The following TEX36 variants were observed in gnomAD, a reference collection of about 807,000 sequenced individuals.
The protein encoded by TEX36 is testis expressed 36.
A neutral mutation model predicts 13.6 loss-of-function variants in TEX36; 12 were observed. That is an observed-to-expected ratio of 0.88 (90% confidence interval 0.56 to 1.43). TEX36 has a LOEUF of 1.43. TEX36 is among the 40% of genes most tolerant of loss of function. The pLI, the probability that TEX36 is intolerant of heterozygous loss-of-function variation, is 0.00. For synonymous variants in TEX36, 93 were observed against 83.0 expected (o/e 1.12, Z -0.65); for missense variants, 224 against 228.3 (o/e 0.98, Z 0.12).
Position 125,587,786 on chromosome 10 carries a change from T to TAAAAAAAAA in TEX36, c.265-10921_265-10913dup, listed in dbSNP as rs56198506. Among the ~76,000 whole-genome samples the TAAAAAAAAA allele has an allele frequency of 9.8e-5, 10 of 101,898 alleles. 1 individual carries two copies. Among genetic ancestry groups the TAAAAAAAAA allele is most frequent in the Non-Finnish European group, 1.2e-4 (6 of 48,942 alleles). The allele number at this position is 101,898 out of a possible 152,430, so 66.8% of individuals were successfully genotyped here. On this transcript the variant is annotated intron_variant, in intron 3 of 3. Coordinates refer to the TEX36 transcript ENST00000532135. The stretch of plus-strand genomic sequence containing the variant: ...GGCGAGCGAAGCTCTGTCTCAAAAT[T>TAAAAAAAAA]AAAAAAAAAAAAAAAAAAAAAAGAC...
intron 3 of TEX36, among the ~76,000 whole-genome samples, chr10:125,631,359 C>G (rs1228184335): frequency 1.3e-5 from 2 of 152,218 alleles, no homozygotes; most frequent in African/African-American, 4.8e-5. Flanking sequence ...TGAGCTATTT[C>G]AGAAGCCCTC....
At chr10:125,589,260 G>A (rs562968319) in intron 3 of TEX36, among the ~76,000 whole-genome samples, 2 of 152,158 alleles carry the variant, frequency 1.3e-5, no homozygotes, top group Non-Finnish European at 2.9e-5. Flanking sequence ...TTTGTCAGTT[G>A]ACCCTGTTGG....
chr10:125,619,176 A>T (rs1846397615), downstream of TEX36, among the ~76,000 whole-genome samples: 1 of 152,008 alleles, frequency 6.6e-6, no homozygotes, highest in Non-Finnish European at 1.5e-5. Context: ...AGCCTTGGAG[A>T]ATATCCGTTA....
At chr10:125,604,869 C>A (rs1231753713) in intron 3 of TEX36, among the ~76,000 whole-genome samples, 7 of 151,394 alleles carry the variant, frequency 4.6e-5, no homozygotes, top group Middle Eastern at 3.2e-3. Flanking sequence ...CTCCTATTAC[C>A]CCCAGAAGGG....
At chr10:125,606,540 T>C (rs1846217990) in intron 3 of TEX36, among the ~76,000 whole-genome samples, 1 of 152,194 alleles carries the variant, frequency 6.6e-6, no homozygotes, top group South Asian at 2.1e-4. Context: ...GTAAACAATA[T>C]TAGCTGCTCT....
At chr10:125,622,650 T>C (rs570856235) in intron 3 of TEX36, among the ~76,000 whole-genome samples, 1 of 152,340 alleles carries the variant, frequency 6.6e-6, no homozygotes, top group African/African-American at 2.4e-5. Flanking sequence ...ATGGATTCAG[T>C]GTGGTATGGT....
intron 3 of TEX36, among the ~76,000 whole-genome samples, chr10:125,608,041 C>T (rs560037328): frequency 9.9e-5 from 15 of 152,260 alleles, no homozygotes; most frequent in South Asian, 4.2e-4. Flanking sequence ...CTACGGTCAA[C>T]GAGTCACACA....
chr10:125,596,290 A>G (rs1271091056), intron 3 of TEX36, among the ~76,000 whole-genome samples: 1 of 152,192 alleles, frequency 6.6e-6, no homozygotes, highest in African/African-American at 2.4e-5. Flanking sequence ...AGATCCTTAT[A>G]AGAGGAGAGA....
Position 125,661,851 on chromosome 10 carries a change from C to G in TEX36, c.178G>C (p.Glu60Gln), listed in dbSNP as rs1847048139. Residue 60 changes from glutamate (E) to glutamine (Q), a missense_variant, in exon 2 of 4, where the codon GAG becomes CAG. By Grantham distance (29) the Glu-to-Gln change is conservative. Transcript: ENST00000368821. ...GGCCAGTGTTCAGGACTCACCTTCT[C>G]CCGGACTTTGTATATGGGCGGCAGC... Reference protein sequence around the residue: ...GKLPPIYKVREKQAVNNQFPF... With the variant: ...GKLPPIYKVRQKQAVNNQFPF... 6.4e-7 allele frequency: 1 copy of G among 1,551,742 alleles called. No homozygotes were observed. Among genetic ancestry groups the G allele is most frequent in the Non-Finnish European group, 8.7e-7 (1 of 1,147,014 alleles).
chr10:125,620,263 G>A (rs1320260678), downstream of TEX36, among the ~76,000 whole-genome samples: 1 of 152,122 alleles, frequency 6.6e-6, no homozygotes, highest in African/African-American at 2.4e-5. Flanking sequence ...GCGAGCACTA[G>A]GTTTTAAATT....
intron 3 of TEX36, chr10:125,578,222 A>G (rs1589736983): frequency 6.6e-6 from 1 of 152,328 alleles, no homozygotes; most frequent in East Asian, 1.9e-4. Flanking sequence ...TGAGGAGAAG[A>G]TGCTGTTCTG....
chr10:125,658,007 GA>G (rs1846974471), intron 3 of TEX36, among the ~76,000 whole-genome samples: 1 of 151,646 alleles, frequency 6.6e-6, no homozygotes, highest in South Asian at 2.1e-4. Context: ...AGGAGAAGAA[GA>G]AAAAAAGAAA....
intron 3 of TEX36, among the ~76,000 whole-genome samples, chr10:125,658,443 G>A (rs1258196166): frequency 6.6e-6 from 1 of 151,846 alleles, no homozygotes; most frequent in Non-Finnish European, 1.5e-5. Context: ...AGAAACTCAA[G>A]AATAATCTTA....
chr10:125,612,933 A>C (rs540993168), intron 3 of TEX36, among the ~76,000 whole-genome samples: 49 of 152,248 alleles, frequency 3.2e-4, no homozygotes, highest in African/African-American at 1.1e-3. Flanking sequence ...GCACACAAAG[A>C]TAATTTCCAT....
intron 3 of TEX36, among the ~76,000 whole-genome samples, chr10:125,609,761 C>T (rs1846267882): frequency 6.6e-6 from 1 of 152,216 alleles, no homozygotes; most frequent in African/African-American, 2.4e-5. Flanking sequence ...ACTCACACCA[C>T]ATGTTTATTG....
At chr10:125,674,871 G>C (rs1041670124) in intron 1 of TEX36, among the ~76,000 whole-genome samples, 2 of 152,358 alleles carry the variant, frequency 1.3e-5, no homozygotes, top group East Asian at 3.9e-4. Flanking sequence ...TAACTTGACT[G>C]AGGGGTCTCA....
Position 125,627,661 on chromosome 10 carries a change from T to C in TEX36, c.265-6016A>G, listed in dbSNP as rs139704231. 8.2e-3 allele frequency among the ~76,000 whole-genome samples: 1,249 copies of C among 152,370 alleles called. 16 individuals are homozygous for C. The highest frequency in any genetic ancestry group is 0.029 in the African/African-American group (1,203 of 41,582). On this transcript the variant is annotated intron_variant, in intron 3 of 3. Transcript: ENST00000526819. ...GCATAATGTATTGTCTTTTGTTCAA[T>C]TAATATTTTGTTCAACAAATATACA...
intron 3 of TEX36, among the ~76,000 whole-genome samples, chr10:125,659,912 T>C (rs1271721813): frequency 6.6e-6 from 1 of 152,176 alleles, no homozygotes; most frequent in Non-Finnish European, 1.5e-5. Flanking sequence ...ATCTAATAGG[T>C]TTCCCTGTGC....
At chr10:125,675,603 A>C (rs1327953414) in intron 1 of TEX36, among the ~76,000 whole-genome samples, 2 of 152,210 alleles carry the variant, frequency 1.3e-5, no homozygotes, top group African/African-American at 4.8e-5. Flanking sequence ...GGGCAGGGCA[A>C]GATGATCACT....
Sources: gnomAD v4.1 joint callset for allele counts (sites outside exome capture counted in the v4.1 genomes callset) on GRCh38, gnomAD v4.1.1 for gene constraint, MANE v1.5 for transcripts, NCBI Gene and HGNC (gene_info 2026-07-23, HGNC 2026-07-21) for gene names.